The following IPO9 variants were observed in gnomAD, a reference collection of about 807,000 sequenced individuals.
IPO9 encodes importin 9, also known as importin-9.
IPO9 carries 28 observed loss-of-function variants against 128.6 expected under a neutral mutation model. The ratio of observed to expected loss-of-function variants is 0.22; its 90% CI spans 0.16 to 0.30. The LOEUF is 0.30. Among genes scored for constraint, IPO9 ranks in the 10% least tolerant of loss-of-function variants. The pLI is 1.00. For synonymous variants in IPO9, 455 were observed against 475.8 expected (o/e 0.96, Z 0.57); for missense variants, 935 against 1,293.9 (o/e 0.72, Z 4.26).
intron 1 of IPO9, among the ~76,000 whole-genome samples, chr1:201,844,515 C>T (rs1343346294): frequency 6.6e-6 from 1 of 152,162 alleles, no homozygotes; most frequent in African/African-American, 2.4e-5. Flanking sequence ...AGGAAAAAAA[C>T]TGGTGAAGTT....
Position 201,882,749 on chromosome 1 carries a change from C to T in IPO9, c.*6695C>T, listed in dbSNP as rs1026265484. ...GTTCTGACTTGGCATGATTACATAG[C>T]TGCGGCAAGTGACGTTTCCTTCAAG... is the stretch of plus-strand genomic sequence containing the variant. On this transcript the variant is annotated 3_prime_UTR_variant, in exon 24 of 24. Coordinates refer to ENST00000361565, the MANE Select transcript of IPO9 (RefSeq NM_018085.5). 3 of 152,456 alleles carry T rather than the reference C, an allele frequency of 2.0e-5. No individual in the cohort carries two copies. Among genetic ancestry groups the T allele is most frequent in the Non-Finnish European group, 4.4e-5 (3 of 68,032 alleles). The allele number at this position is 152,456 out of a possible 1,614,324, so 9.4% of individuals were successfully genotyped here. A position where few individuals can be genotyped will look rare whatever the true frequency, so the allele number is the denominator to read the frequency against.
chr1:201,876,151 G>C lies in IPO9; in HGVS notation c.*97G>C. On this transcript the variant is annotated 3_prime_UTR_variant, in exon 24 of 24. Coordinates refer to ENST00000361565, the MANE Select transcript of IPO9 (RefSeq NM_018085.5). ...AGATGCACTTTCTTCTCAACCTAAA[G>C]TGGCATCTTGACCCTTGGCCCTTGG... 1 of 878,206 alleles carries C rather than the reference G, an allele frequency of 1.1e-6. No individual in the cohort carries two copies. The highest frequency in any genetic ancestry group is 1.6e-5 in the African/African-American group (1 of 60,896). The allele number at this position is 878,206 out of a possible 1,614,324, so 54.4% of individuals were successfully genotyped here. A position where few individuals can be genotyped will look rare whatever the true frequency, so the allele number is the denominator to read the frequency against.
chr1:201,875,658 G>T (rs1322539106), intron 23 of IPO9, among the ~76,000 whole-genome samples: 1 of 151,982 alleles, frequency 6.6e-6, no homozygotes, highest in Non-Finnish European at 1.5e-5. Context: ...CTGTCTTGTT[G>T]AGTGGTCCAG....
At position 201,841,258 on chromosome 1, in the gene IPO9, A is replaced by G. The variant is rs61821757; in HGVS notation, c.164-6021A>G. Among the ~76,000 whole-genome samples, 2,078 of 152,336 alleles carry G rather than the reference A, an allele frequency of 0.014. 166 individuals are homozygous for G. The East Asian group carries it at 0.24, about 17-fold the overall frequency. On this transcript the variant is annotated intron_variant, in intron 1 of 23. Coordinates refer to ENST00000361565, the MANE Select transcript of IPO9 (RefSeq NM_018085.5). ...CATGTAGGTTACAGTTAAAAAAACT[A>G]TACACCAAAATTGTAGTTCAATTAA...
rs368271962 is a variant in IPO9 at position 201,874,343 on chromosome 1, G to A, written c.2804G>A (p.Arg935His). ...AACGTCATGGAGGCTAATGCCGCTC[G>A]CCAGGCCACTCCTGCAGAGTGGAGT... is the stretch of plus-strand genomic sequence containing the variant. Reference protein sequence around the residue: ...LSNVMEANAARQATPAEWSQD... With the variant: ...LSNVMEANAAHQATPAEWSQD... The change falls in exon 21 of 24, where the codon CGC (arginine) becomes CAC (histidine). Residue 935 changes from arginine (R) to histidine (H), a missense_variant. Around this residue, in one of 3 missense-constraint regions of IPO9, gnomAD observed 188 missense variants for 246.7 expected, o/e 0.76. Transcript: ENST00000361565. 28 of 1,613,856 alleles carry A rather than the reference G, an allele frequency of 1.7e-5. No individual in the cohort carries two copies. The highest frequency in any genetic ancestry group is 1.5e-4 in the African/African-American group (11 of 74,916).
At chr1:201,859,527 CAGAA>C (rs1364953546) in intron 13 of IPO9, among the ~76,000 whole-genome samples, 1 of 152,088 alleles carries the variant, frequency 6.6e-6, no homozygotes, top group Non-Finnish European at 1.5e-5. Flanking sequence ...TTGTTAAGTC[CAGAA>C]TGCCCTCAGG....
In IPO9 at chr1:201,878,290, C is replaced by T. The variant is rs1438546139; in HGVS notation, c.*2236C>T. On this transcript the variant is annotated 3_prime_UTR_variant, in exon 24 of 24. Transcript: ENST00000361565. Reference sequence around the variant, plus strand: ...TAGTTTATCTCAAGGCAGTGCCAGTCGGATTTGGTGCTAAAGGCATAAGGC... The same window carrying T: ...TAGTTTATCTCAAGGCAGTGCCAGTTGGATTTGGTGCTAAAGGCATAAGGC... 1 of 152,530 alleles carries T rather than the reference C, an allele frequency of 6.6e-6. No individual in the cohort carries two copies. Among genetic ancestry groups the T allele is most frequent in the Non-Finnish European group, 1.5e-5 (1 of 68,060 alleles). The allele number at this position is 152,530 out of a possible 1,614,324, so 9.4% of individuals were successfully genotyped here.
At chr1:201,836,110 A>T (rs1339450180) in intron 1 of IPO9, among the ~76,000 whole-genome samples, 1 of 95,722 alleles carries the variant, frequency 1.0e-5, no homozygotes, top group African/African-American at 4.3e-5. Context: ...ACAGAGCAAG[A>T]CTCCATCTCA....
chr1:201,846,048 C>CAGTG (rs1680119236), intron 1 of IPO9, among the ~76,000 whole-genome samples: 1 of 152,224 alleles, frequency 6.6e-6, no homozygotes, highest in Non-Finnish European at 1.5e-5. Context: ...TTTGACACTG[C>CAGTG]AGTGAGCTAT....
chr1:201,874,275 T>A lies in IPO9; in HGVS notation c.2736T>A (p.Pro912=). ...ACCCAGAACGCTGGACAAACATTCC[T>A]TTGCTGGTCAAGATCCTAAAGCTGA... The part of the protein sequence containing the change: ...AKNPERWTNI[P]LLVKILKLII... The change falls in exon 21 of 24, where the codon CCT becomes CCA. Residue 912 remains proline, a synonymous_variant. Coordinates refer to ENST00000361565, the MANE Select transcript of IPO9 (RefSeq NM_018085.5). 1 of 1,613,872 alleles carries A rather than the reference T, an allele frequency of 6.2e-7. No homozygotes were observed. Among genetic ancestry groups the A allele is most frequent in the Non-Finnish European group, 8.5e-7 (1 of 1,179,866 alleles).
At chr1:201,875,272 C>A in intron 23 of IPO9, 44 bp downstream of exon 23, 2 of 1,530,578 alleles carry the variant, frequency 1.3e-6, no homozygotes, top group Non-Finnish European at 1.8e-6. Flanking sequence ...ATGTCCCAGG[C>A]CATGGAAACA....
rs1484368245 is a variant in IPO9, at chr1:201,861,518, G to T, written c.1469-1930G>T. The stretch of plus-strand genomic sequence containing the variant: ...AAGTGTTCTGAGCATGTTTAAGGTA[G>T]GCCCGGCTAAGCTGTGATGTTCAGT... On this transcript the variant is annotated intron_variant, in intron 13 of 23. Transcript: ENST00000361565. 4.0e-4 allele frequency among the ~76,000 whole-genome samples: 61 copies of T among 152,172 alleles called. 1 individual carries two copies. Among genetic ancestry groups the T allele is most frequent in the Admixed American group, 4.0e-3 (61 of 15,278 alleles).
chr1:201,857,755 A>G (rs1680359406), intron 11 of IPO9, among the ~76,000 whole-genome samples: 1 of 146,896 alleles, frequency 6.8e-6, no homozygotes. Context: ...AGATTACACC[A>G]TTGCGCTCCA....
At chr1:201,855,317 G>A (rs1571547412) in intron 9 of IPO9, 135 bp downstream of exon 9, 2 of 586,848 alleles carry the variant, frequency 3.4e-6, no homozygotes, top group South Asian at 2.3e-5. Context: ...TATTTTCGAT[G>A]TATTCGATGT....
intron 13 of IPO9, 142 bp downstream of exon 13, chr1:201,859,136 T>C: frequency 4.0e-6 from 2 of 498,050 alleles, no homozygotes; most frequent in Non-Finnish European, 6.7e-6. Context: ...TGTATACATA[T>C]GTAACCTGCA....
At chr1:201,848,868 G>A (rs1020480339) in intron 4 of IPO9, among the ~76,000 whole-genome samples, 7 of 152,062 alleles carry the variant, frequency 4.6e-5, no homozygotes, top group Admixed American at 3.3e-4. Context: ...TTTTGTAGTG[G>A]CTTCACCTTG....
rs1451102916 is a variant in IPO9, at chr1:201,882,391, C to G, written c.*6337C>G. ...AGGTTGCAGTGAGCCAAGATCATGC[C>G]ACTACACTCCAGCCTGGGCGACAGA... On this transcript the variant is annotated 3_prime_UTR_variant, in exon 24 of 24. Transcript: ENST00000361565. 1 of 143,156 alleles carries G rather than the reference C, an allele frequency of 7.0e-6. No individual in the cohort carries two copies. The highest frequency in any genetic ancestry group is 1.5e-5 in the Non-Finnish European group (1 of 67,024). 8.9% of individuals were successfully genotyped at this position (143,156 alleles called of 1,614,324 possible).
chr1:201,869,772 T>C (rs1558224498), intron 17 of IPO9, 54 bp downstream of exon 17: 3 of 1,564,756 alleles, frequency 1.9e-6, no homozygotes, highest in Non-Finnish European at 2.6e-6. Flanking sequence ...GCCATGGGCT[T>C]ATACTATGCT....
At position 201,858,442 on chromosome 1, in the gene IPO9, T is replaced by C; in HGVS notation, c.1222-5T>C. The C allele has an allele frequency of 6.5e-7, 1 of 1,527,522 alleles. No individual in the cohort carries two copies. The highest frequency in any genetic ancestry group is 8.9e-7 in the Non-Finnish European group (1 of 1,127,946). 94.6% of individuals were successfully genotyped at this position (1,527,522 alleles called of 1,614,324 possible). ...ACAGATTTATTAGCTCTTCTCTCTCTATAGGCTGTGGCCACAGATTTCCAG... is the reference window on the plus strand; with the variant it reads ...ACAGATTTATTAGCTCTTCTCTCTCCATAGGCTGTGGCCACAGATTTCCAG... On this transcript the variant is annotated splice_polypyrimidine_tract_variant and splice_region_variant and intron_variant, in intron 11 of 23. Transcript: ENST00000361565.
Sources: gnomAD v4.1 joint callset for allele counts (sites outside exome capture counted in the v4.1 genomes callset) on GRCh38, gnomAD v4.1.1 for gene constraint, gnomAD v4.1.1 regional missense constraint, MANE v1.5 for transcripts, NCBI Gene and HGNC (gene_info 2026-07-23, HGNC 2026-07-21) for gene names.